Variants in ADK observed in about 807,000 individuals in gnomAD.
ADK encodes the protein adenosine kinase.
ADK carries 24 observed loss-of-function variants against 44.7 expected under a neutral mutation model. That is an observed-to-expected ratio of 0.54 (90% CI 0.39 to 0.76). ADK has a LOEUF of 0.76. Among genes scored for constraint, ADK ranks in the 30% least tolerant of loss-of-function variants. The pLI, the probability that ADK is intolerant of heterozygous loss-of-function variation, is 0.00. For synonymous variants in ADK, 128 were observed against 142.6 expected, an observed-to-expected ratio of 0.90 and a Z score of 0.73; for missense variants, 321 against 425.1, an observed-to-expected ratio of 0.76 and a Z score of 2.15.
At chr10:74,265,507 C>T (rs966652488) in intron 3 of ADK, among the ~76,000 whole-genome samples, 3 of 152,066 alleles carry the variant, frequency 2.0e-5, no homozygotes, top group East Asian at 1.9e-4. Context: ...CGTGAGCCAC[C>T]GTGCCTGGCC....
chr10:74,298,360 T>C (rs1839888466), intron 3 of ADK, among the ~76,000 whole-genome samples: 3 of 152,192 alleles, frequency 2.0e-5, no homozygotes, highest in Non-Finnish European at 4.4e-5. Context: ...AATGGTAAGT[T>C]AGTAAATTTT....
At chr10:74,695,699 G>A (rs1479052257) in intron 10 of ADK, among the ~76,000 whole-genome samples, 1 of 151,062 alleles carries the variant, frequency 6.6e-6, no homozygotes, top group Non-Finnish European at 1.5e-5. Context: ...GAGTACAGTG[G>A]CATGTTCACA....
intron 10 of ADK, among the ~76,000 whole-genome samples, chr10:74,702,403 T>C (rs984735727): frequency 1.3e-5 from 2 of 151,506 alleles, no homozygotes; most frequent in African/African-American, 2.4e-5. Context: ...AGGCTGGTCT[T>C]GAACTCCTGA....
At chr10:74,227,121 C>T (rs1465209787) in intron 3 of ADK, among the ~76,000 whole-genome samples, 1 of 152,136 alleles carries the variant, frequency 6.6e-6, no homozygotes, top group African/African-American at 2.4e-5. Context: ...GAGTGTATAA[C>T]AACTCACCTG....
chr10:74,311,683 A>G (rs970229855), intron 3 of ADK, among the ~76,000 whole-genome samples: 1 of 152,220 alleles, frequency 6.6e-6, no homozygotes, highest in Non-Finnish European at 1.5e-5. Context: ...AATAAAGATT[A>G]AACAATATCA....
At chr10:74,371,471 A>G in intron 4 of ADK, 1 of 657,960 alleles carries the variant, frequency 1.5e-6, no homozygotes, top group South Asian at 1.7e-5. Flanking sequence ...CACACTACCC[A>G]CATAGACGTC....
chr10:74,642,323 CT>C (rs530302999), intron 9 of ADK, among the ~76,000 whole-genome samples: 1 of 140,032 alleles, frequency 7.1e-6, no homozygotes, highest in East Asian at 2.1e-4. Context: ...ATTTTTTTTT[CT>C]TTTTTTTCCT....
intron 6 of ADK, among the ~76,000 whole-genome samples, chr10:74,510,629 A>G (rs1407873116): frequency 6.6e-6 from 1 of 151,956 alleles, no homozygotes; most frequent in Non-Finnish European, 1.5e-5. Flanking sequence ...TTCATAAAAT[A>G]TTTTTCCAGA....
chr10:74,335,081 T>A lies in ADK; in HGVS notation c.273+20336T>A, dbSNP rs950709985. Among the ~76,000 whole-genome samples, 3 of 152,170 alleles carry A rather than the reference T, an allele frequency of 2.0e-5. No individual in the cohort carries two copies. In the South Asian group the frequency reaches 6.2e-4, roughly 32 times the overall value. ...TCTGTAAAACTGCCAGAATCTTTTG[T>A]TGGGGGTTCCCTTTGGCAATGATGC... On this transcript the variant is annotated intron_variant, in intron 4 of 10. Transcript: ENST00000539909.
chr10:74,254,774 C>T (rs1270312058), intron 3 of ADK, among the ~76,000 whole-genome samples: 1 of 152,096 alleles, frequency 6.6e-6, no homozygotes, highest in East Asian at 1.9e-4. Context: ...CAATGGGGAA[C>T]CTAAATCTGT....
chr10:74,593,670 T>C (rs1339682388), intron 8 of ADK, among the ~76,000 whole-genome samples: 1 of 152,058 alleles, frequency 6.6e-6, no homozygotes, highest in Non-Finnish European at 1.5e-5. Flanking sequence ...ACAGCATAAC[T>C]ATTAAAGGAG....
intron 1 of ADK, among the ~76,000 whole-genome samples, chr10:74,163,666 T>G (rs1841960650): frequency 6.6e-6 from 1 of 152,136 alleles, no homozygotes; most frequent in Non-Finnish European, 1.5e-5. Flanking sequence ...ATGTCTTAGG[T>G]TTTCTCAAAT....
intron 9 of ADK, among the ~76,000 whole-genome samples, chr10:74,611,460 A>G (rs942306520): frequency 1.3e-5 from 2 of 150,634 alleles, no homozygotes; most frequent in African/African-American, 4.9e-5. Context: ...AAAATCACCT[A>G]GTGAGTTTTT....
intron 4 of ADK, among the ~76,000 whole-genome samples, chr10:74,376,469 A>G (rs144956664): frequency 7.2e-5 from 11 of 152,228 alleles, no homozygotes; most frequent in African/African-American, 2.6e-4. Flanking sequence ...TTCTCTATCT[A>G]GCTTCAGTAA....
rs35924345 is a variant in ADK, at chr10:74,595,997, CA to C, written c.763-4363del. On this transcript the variant is annotated intron_variant, in intron 8 of 10. Coordinates refer to ENST00000539909, the MANE Select transcript of ADK (RefSeq NM_006721.4). The stretch of plus-strand genomic sequence containing the variant: ...GGGCAACAAGAGCGAAATTCCATCT[CA>C]AAAAAAAAAAAAAAAAAACCACTGA... 3.1e-3 allele frequency among the ~76,000 whole-genome samples: 196 copies of C among 62,724 alleles called. No individual in the cohort carries two copies. In the Middle Eastern group the frequency reaches 0.033, roughly 10 times the overall value. The allele number at this position is 62,724 out of a possible 152,430, so 41.1% of individuals were successfully genotyped here. A position where few individuals can be genotyped will look rare whatever the true frequency, so the allele number is the denominator to read the frequency against.
At chr10:74,176,481 C>T in intron 1 of ADK, 1 of 1,153,256 alleles carries the variant, frequency 8.7e-7, no homozygotes, top group African/African-American at 1.6e-5. Context: ...AACCGGTTGC[C>T]AGAGGCGCGG....
chr10:74,448,223 G>A (rs1845651375), intron 6 of ADK, among the ~76,000 whole-genome samples: 1 of 152,046 alleles, frequency 6.6e-6, no homozygotes, highest in Non-Finnish European at 1.5e-5. Flanking sequence ...GGAGGGTGAA[G>A]TGGGAGGGTC....
chr10:74,563,285 A>T (rs1850528876), intron 7 of ADK, among the ~76,000 whole-genome samples: 1 of 152,164 alleles, frequency 6.6e-6, no homozygotes, highest in Non-Finnish European at 1.5e-5. Flanking sequence ...CTGTTTGTAC[A>T]TGCTCTTCCC....
intron 6 of ADK, among the ~76,000 whole-genome samples, chr10:74,477,434 C>G (rs1846895479): frequency 1.3e-5 from 2 of 152,158 alleles, no homozygotes; most frequent in South Asian, 4.1e-4. Flanking sequence ...TCTCAAACTC[C>G]TAGGCTCACG....
Sources: gnomAD v4.1 joint callset for allele counts (sites outside exome capture counted in the v4.1 genomes callset) on GRCh38, gnomAD v4.1.1 for gene constraint, MANE v1.5 for transcripts, NCBI Gene and HGNC (gene_info 2026-07-23, HGNC 2026-07-21) for gene names.